CLASP1: variants seen among roughly 807,000 people sequenced by gnomAD.
The protein encoded by CLASP1 is CLIP-associating protein 1.
Under a neutral mutation model 192.3 loss-of-function variants are expected in CLASP1, and 38 were observed. The ratio of observed to expected loss-of-function variants is 0.20; its 90% CI spans 0.15 to 0.26. CLASP1 has a LOEUF of 0.26. Ranked by LOEUF, CLASP1 falls within the 10% of genes least tolerant of loss-of-function variation. CLASP1 has a pLI of 1.00. For missense variants in CLASP1, 1,433 were observed against 1,932.5 expected (o/e 0.74, Z 4.85); for synonymous variants, 691 against 712.8 (o/e 0.97, Z 0.49).
At chr2:121,483,494 G>GTGTGTATATATATGTATGTATATATGTA (rs2092755249) in intron 8 of CLASP1, among the ~76,000 whole-genome samples, 2 of 151,480 alleles carry the variant, frequency 1.3e-5, no homozygotes, top group African/African-American at 4.9e-5. Context: ...ATATATATAT[G>GTGTGTATATATATGTATGTATATATGTA]TGTGTATATA....
intron 2 of CLASP1, among the ~76,000 whole-genome samples, chr2:121,596,949 A>G (rs1215062395): frequency 6.6e-6 from 1 of 152,152 alleles, no homozygotes; most frequent in African/African-American, 2.4e-5. Context: ...GGAACCCACA[A>G]ATTTCAAATA....
intron 26 of CLASP1, chr2:121,403,795 A>G (rs986125854): frequency 2.1e-6 from 1 of 466,246 alleles, no homozygotes. Context: ...CAAAAAAAGC[A>G]TTCCTTGGGC....
intron 1 of CLASP1, among the ~76,000 whole-genome samples, chr2:121,642,437 T>C (rs566742744): frequency 6.7e-6 from 1 of 149,856 alleles, no homozygotes; most frequent in East Asian, 2.0e-4. Flanking sequence ...AAAATCTTCC[T>C]GTCAAAACTC....
At chr2:121,411,446 TTAAC>T (rs1311695505) in intron 23 of CLASP1, among the ~76,000 whole-genome samples, 2 of 152,222 alleles carry the variant, frequency 1.3e-5, no homozygotes, top group Non-Finnish European at 2.9e-5. Flanking sequence ...TCACTTCTGT[TTAAC>T]TATTGTTAAG....
At chr2:121,392,538 G>T (rs1452937463) in intron 30 of CLASP1, among the ~76,000 whole-genome samples, 1 of 152,180 alleles carries the variant, frequency 6.6e-6, no homozygotes, top group Non-Finnish European at 1.5e-5. Context: ...AGCCTCCCAT[G>T]AGGCTGGAAC....
intron 16 of CLASP1, among the ~76,000 whole-genome samples, chr2:121,449,753 C>T (rs2085059550): frequency 6.6e-6 from 1 of 152,116 alleles, no homozygotes; most frequent in African/African-American, 2.4e-5. Context: ...ACAAACACTT[C>T]ATAGTTATAA....
chr2:121,423,372 C>T (rs1034823359), intron 22 of CLASP1, among the ~76,000 whole-genome samples: 1 of 152,086 alleles, frequency 6.6e-6, no homozygotes, highest in African/African-American at 2.4e-5. Flanking sequence ...TTTTCAACTA[C>T]ACACAACACA....
intron 2 of CLASP1, chr2:121,532,781 G>T (rs1212610572): frequency 2.0e-5 from 3 of 152,128 alleles, no homozygotes; most frequent in Admixed American, 2.0e-4. Flanking sequence ...ATGAACTCTA[G>T]TTAATAATAA....
At chr2:121,461,945 G>A (rs371908927) in intron 10 of CLASP1, among the ~76,000 whole-genome samples, 1 of 152,144 alleles carries the variant, frequency 6.6e-6, no homozygotes, top group African/African-American at 2.4e-5. Flanking sequence ...GTGGCAAAGA[G>A]AGTTGTACAT....
Position 121,479,055 on chromosome 2 carries a change from CCCACA to C in CLASP1, c.713-9100_713-9096del, listed in dbSNP as rs1559371330. Among the ~76,000 whole-genome samples the C allele has an allele frequency of 2.2e-4, 21 of 94,100 alleles. 4 individuals are homozygous for C. Among genetic ancestry groups the C allele is most frequent in the African/African-American group, 8.5e-4 (21 of 24,620 alleles). 61.7% of individuals were successfully genotyped at this position (94,100 alleles called of 152,430 possible). On this transcript the variant is annotated intron_variant, in intron 8 of 39. Coordinates refer to ENST00000263710, the Ensembl canonical transcript of CLASP1. ...ACCCCACACACACACACACCCCCCC[CCCACA>C]CACACACACACACACCATCAACAAC...
chr2:121,431,291 AATCTATACAG>A (rs1388146606), intron 19 of CLASP1, among the ~76,000 whole-genome samples: 3 of 152,240 alleles, frequency 2.0e-5, no homozygotes, highest in Non-Finnish European at 4.4e-5. Flanking sequence ...TAAACTCTAT[AATCTATACAG>A]AAGTGAAAAG....
chr2:121,392,443 A>C (rs2074534898), intron 30 of CLASP1, among the ~76,000 whole-genome samples: 1 of 152,238 alleles, frequency 6.6e-6, no homozygotes, highest in Admixed American at 6.5e-5. Flanking sequence ...TATGAAATTT[A>C]ATCTTCTCAG....
chr2:121,617,349 G>A (rs2106061196), intron 1 of CLASP1, among the ~76,000 whole-genome samples: 1 of 152,336 alleles, frequency 6.6e-6, no homozygotes, highest in South Asian at 2.1e-4. Context: ...CCAGCAGCTT[G>A]TAAATGTCCT....
Position 121,492,005 on chromosome 2 carries a change from C to T in CLASP1, c.712+11162G>A, listed in dbSNP as rs532505359. On this transcript the variant is annotated intron_variant, in intron 8 of 39. Transcript: ENST00000263710. ...CTTCCAACTTAGCTAAAATCCAGAA[C>T]GTTTCTTACTCAAAAGTGCACTGTT... Among the ~76,000 whole-genome samples, 6 of 152,224 alleles carry T rather than the reference C, an allele frequency of 3.9e-5. No homozygotes were observed. The South Asian group carries it at 1.2e-3, about 32-fold the overall frequency.
chr2:121,508,402 A>G (rs2094008474), intron 7 of CLASP1, among the ~76,000 whole-genome samples: 2 of 152,248 alleles, frequency 1.3e-5, no homozygotes. Context: ...AGTACACTAG[A>G]AAATATCTAT....
chr2:121,465,245 T>C (rs939706721), intron 9 of CLASP1, among the ~76,000 whole-genome samples: 6 of 152,194 alleles, frequency 3.9e-5, no homozygotes, highest in South Asian at 2.1e-4. Flanking sequence ...TGTTTGCAGA[T>C]GACATGATTG....
intron 37 of CLASP1, among the ~76,000 whole-genome samples, chr2:121,354,876 C>G (rs2065109392): frequency 1.3e-5 from 2 of 152,142 alleles, no homozygotes; most frequent in South Asian, 4.2e-4. Flanking sequence ...GCTAAGGCCT[C>G]CTGGTGCTCT....
intron 7 of CLASP1, among the ~76,000 whole-genome samples, chr2:121,511,050 A>C (rs1241159177): frequency 6.6e-6 from 1 of 152,156 alleles, no homozygotes; most frequent in Non-Finnish European, 1.5e-5. Flanking sequence ...AGAGGTTAGC[A>C]AGTAGAAAGT....
intron 8 of CLASP1, among the ~76,000 whole-genome samples, chr2:121,493,140 T>C (rs921329963): frequency 2.6e-5 from 4 of 152,020 alleles, no homozygotes; most frequent in Non-Finnish European, 5.9e-5. Flanking sequence ...AATAAAAAAG[T>C]AATCCCAAAA....
Sources: allele counts gnomAD v4.1 joint callset (sites outside exome capture counted in the v4.1 genomes callset), GRCh38; gene constraint gnomAD v4.1.1; transcripts MANE v1.5; gene names NCBI Gene and HGNC (gene_info 2026-07-23, HGNC 2026-07-21).